SAMMSON: variants seen among roughly 807,000 people sequenced by gnomAD.
SAMMSON encodes long intergenic non-protein coding RNA 1212.
chr3:70,345,454 C>G (rs1345332946), intron 7 of SAMMSON, among the ~76,000 whole-genome samples: 1 of 152,138 alleles, frequency 6.6e-6, no homozygotes, highest in Non-Finnish European at 1.5e-5. Context: ...ATAGTTTTGT[C>G]CCATTTTGCA....
chr3:70,289,014 G>A (rs184681115), intron 6 of SAMMSON, among the ~76,000 whole-genome samples: 2 of 152,068 alleles, frequency 1.3e-5, no homozygotes, highest in East Asian at 1.9e-4. Context: ...TCTTTATCCA[G>A]TTTGCCAGTC....
intron 7 of SAMMSON, among the ~76,000 whole-genome samples, chr3:70,304,061 G>T (rs1210121263): frequency 6.6e-6 from 1 of 152,126 alleles, no homozygotes; most frequent in African/African-American, 2.4e-5. Context: ...GGCATTCCCA[G>T]GGTTAGGAGT....
intron 3 of SAMMSON, among the ~76,000 whole-genome samples, chr3:70,040,958 G>T (rs969190169): frequency 6.6e-6 from 1 of 152,094 alleles, no homozygotes; most frequent in African/African-American, 2.4e-5. Context: ...TAAAAAGGCT[G>T]CTGAATGGTA....
intron 4 of SAMMSON, among the ~76,000 whole-genome samples, chr3:70,136,068 G>T (rs1576131602): frequency 6.6e-6 from 1 of 151,936 alleles, no homozygotes; most frequent in South Asian, 2.1e-4. Flanking sequence ...ATTTTAATCA[G>T]ATTTTTATTT....
intron 9 of SAMMSON, among the ~76,000 whole-genome samples, chr3:70,360,149 G>A (rs890658815): frequency 2.6e-5 from 4 of 152,084 alleles, no homozygotes; most frequent in Non-Finnish European, 5.9e-5. Context: ...AAGGGAGGGA[G>A]GGGGAAGATA....
Position 70,318,264 on chromosome 3 carries a change from C to T in SAMMSON, n.739+27021C>T, listed in dbSNP as rs369893713. On this transcript the variant is annotated intron_variant and non_coding_transcript_variant, in intron 7 of 9. Coordinates refer to ENST00000642114, the Ensembl canonical transcript of SAMMSON. Reference sequence around the variant, plus strand: ...TTCCAATTACACATATATTAGACCACTTGATATTTTTACACAGTTCATAGA... The same window carrying T: ...TTCCAATTACACATATATTAGACCATTTGATATTTTTACACAGTTCATAGA... Among the ~76,000 whole-genome samples the T allele has an allele frequency of 3.3e-5, 5 of 152,058 alleles. No homozygotes were observed. The East Asian group carries it at 9.7e-4, about 29-fold the overall frequency.
intron 3 of SAMMSON, among the ~76,000 whole-genome samples, chr3:70,017,995 A>G (rs1041549330): frequency 6.6e-6 from 1 of 152,166 alleles, no homozygotes; most frequent in Admixed American, 6.5e-5. Flanking sequence ...CCAGTATTTT[A>G]TTGAGGATTT....
chr3:70,288,528 A>T, intron 6 of SAMMSON, among the ~76,000 whole-genome samples: 1 of 150,396 alleles, frequency 6.6e-6, no homozygotes, highest in Non-Finnish European at 1.5e-5. Context: ...AAAAAAATGT[A>T]TATTCTATTG....
At position 70,148,497 on chromosome 3, in the gene SAMMSON, T is replaced by C. The variant is rs894568786; in HGVS notation, n.507+76932T>C. 4.6e-5 allele frequency among the ~76,000 whole-genome samples: 7 copies of C among 152,220 alleles called. No homozygotes were observed. The East Asian group carries it at 7.8e-4, about 17-fold the overall frequency. ...GGAATACCTGAGACTGAGTAATTTA[T>C]AAAGAAAAGAGGTTTATTTGGCTCA... On this transcript the variant is annotated intron_variant and non_coding_transcript_variant, in intron 4 of 9. Transcript: ENST00000642114.
At chr3:70,273,933 G>A (rs1701997626) in intron 6 of SAMMSON, among the ~76,000 whole-genome samples, 1 of 152,026 alleles carries the variant, frequency 6.6e-6, no homozygotes, top group South Asian at 2.1e-4. Flanking sequence ...CCCCAGAGCA[G>A]CCACAGGCAC....
intron 2 of SAMMSON, among the ~76,000 whole-genome samples, chr3:70,013,239 T>C (rs1330504894): frequency 6.6e-6 from 1 of 152,126 alleles, no homozygotes; most frequent in Non-Finnish European, 1.5e-5. Context: ...ATTTTTAGGT[T>C]TGTAGTCTTG....
Position 70,275,652 on chromosome 3 carries a change from C to T in SAMMSON, n.675-15527C>T, listed in dbSNP as rs549784335. Among the ~76,000 whole-genome samples, 6 of 152,338 alleles carry T rather than the reference C, an allele frequency of 3.9e-5. No homozygotes were observed. In the East Asian group the frequency reaches 5.8e-4, roughly 15 times the overall value. On this transcript the variant is annotated intron_variant and non_coding_transcript_variant, in intron 6 of 9. Transcript: ENST00000642114. ...GGCAAGTCATTTACTCAACCTCCCA[C>T]GCCTCAGCTTCTTCATCTGTTCATC...
At chr3:70,326,817 G>T (rs112729057) in intron 7 of SAMMSON, among the ~76,000 whole-genome samples, 4 of 152,230 alleles carry the variant, frequency 2.6e-5, no homozygotes, top group Non-Finnish European at 5.9e-5. Flanking sequence ...TGCCTTTCAG[G>T]CATCATTGTA....
At chr3:70,389,130 G>A (rs530948137) in intron 9 of SAMMSON, among the ~76,000 whole-genome samples, 2 of 152,136 alleles carry the variant, frequency 1.3e-5, no homozygotes, top group East Asian at 1.9e-4. Flanking sequence ...GAAGCAGCAC[G>A]AGGTCCTCAC....
chr3:70,028,099 TCCTTCCTTCCTTC>T (rs1313306345), intron 3 of SAMMSON, among the ~76,000 whole-genome samples: 5 of 151,068 alleles, frequency 3.3e-5, no homozygotes, highest in East Asian at 1.9e-4. Context: ...CTTCCTTCCT[TCCTTCCTTCCTTC>T]CCTTCCTTCC....
At chr3:70,233,521 C>G (rs574685795) in intron 4 of SAMMSON, among the ~76,000 whole-genome samples, 1 of 152,178 alleles carries the variant, frequency 6.6e-6, no homozygotes, top group South Asian at 2.1e-4. Context: ...ATTGACAAGG[C>G]TTTAAAGCAT....
At chr3:70,085,778 T>C (rs1169378975) in intron 4 of SAMMSON, among the ~76,000 whole-genome samples, 1 of 152,162 alleles carries the variant, frequency 6.6e-6, no homozygotes, top group Non-Finnish European at 1.5e-5. Context: ...GCAGTTACTA[T>C]CAATTTCACA....
chr3:70,259,983 CTA>C (rs1198581860), intron 6 of SAMMSON, among the ~76,000 whole-genome samples: 2 of 152,108 alleles, frequency 1.3e-5, no homozygotes, highest in African/African-American at 4.8e-5. Flanking sequence ...AACCCACTCA[CTA>C]TCACGAGAAC....
At chr3:70,376,539 TG>T (rs896178897) in intron 9 of SAMMSON, among the ~76,000 whole-genome samples, 46 of 152,278 alleles carry the variant, frequency 3.0e-4, no homozygotes, top group African/African-American at 9.6e-4. Context: ...TGTCATAGAA[TG>T]TTTTTTTATA....
Sources: gnomAD v4.1 joint callset for allele counts (sites outside exome capture counted in the v4.1 genomes callset) on GRCh38, gnomAD v4.1.1 for gene constraint, MANE v1.5 for transcripts, NCBI Gene and HGNC (gene_info 2026-07-23, HGNC 2026-07-21) for gene names.